Variants in SOX5 observed in about 807,000 individuals in gnomAD.
SOX5 encodes the protein transcription factor SOX-5.
In SOX5, 9 loss-of-function variants were observed where a neutral mutation model predicts 92.0. The ratio of observed to expected loss-of-function variants is 0.10; its 90% CI spans 0.06 to 0.17. The LOEUF is 0.17. SOX5 is among the 10% of genes least tolerant of loss of function. The pLI is 1.00. For synonymous variants in SOX5, 344 were observed against 336.3 expected (o/e 1.02, Z -0.25); for missense variants, 642 against 944.5 (o/e 0.68, Z 4.20).
At chr12:24,310,138 A>G (rs1218601868) in intron 2 of SOX5, among the ~76,000 whole-genome samples, 1 of 152,188 alleles carries the variant, frequency 6.6e-6, no homozygotes, top group East Asian at 1.9e-4. Context: ...ACATGTCGTA[A>G]ATAGTTTTAA....
intron 1 of SOX5, among the ~76,000 whole-genome samples, chr12:24,429,055 C>T (rs1310920056): frequency 1.3e-5 from 2 of 152,078 alleles, no homozygotes; most frequent in Non-Finnish European, 2.9e-5. Flanking sequence ...CGGTGGCTCA[C>T]GACTGTAATC....
At chr12:24,096,611 T>A (rs1053837578) in intron 4 of SOX5, among the ~76,000 whole-genome samples, 2 of 152,250 alleles carry the variant, frequency 1.3e-5, no homozygotes, top group Admixed American at 1.3e-4. Context: ...GGTTCATCCT[T>A]GTTGTAAAAT....
At chr12:24,067,989 C>CA (rs1235650183) in intron 4 of SOX5, among the ~76,000 whole-genome samples, 1 of 151,958 alleles carries the variant, frequency 6.6e-6, no homozygotes, top group African/African-American at 2.4e-5. Flanking sequence ...TACTAAAATA[C>CA]AAAAAATTAG....
intron 4 of SOX5, among the ~76,000 whole-genome samples, chr12:23,959,358 G>A (rs1433726000): frequency 6.6e-6 from 1 of 151,856 alleles, no homozygotes; most frequent in East Asian, 1.9e-4. Flanking sequence ...CACATAGAGA[G>A]AATTTAGTAT....
chr12:24,530,325 G>T (rs968989135), intron 1 of SOX5, among the ~76,000 whole-genome samples: 1 of 152,212 alleles, frequency 6.6e-6, no homozygotes, highest in Non-Finnish European at 1.5e-5. Flanking sequence ...TGACCTAGAT[G>T]ATGTCGTCGG....
At chr12:23,657,656 T>A (rs1465412526) in intron 7 of SOX5, among the ~76,000 whole-genome samples, 3 of 152,174 alleles carry the variant, frequency 2.0e-5, no homozygotes, top group Non-Finnish European at 2.9e-5. Context: ...AGTCTGTTAC[T>A]GAGATGAAAT....
chr12:24,005,489 C>G (rs1242724378), intron 4 of SOX5, among the ~76,000 whole-genome samples: 5 of 152,268 alleles, frequency 3.3e-5, no homozygotes, highest in African/African-American at 9.6e-5. Context: ...ATCTACAATT[C>G]TCTCTGTCTG....
At chr12:24,179,704 G>C (rs555391143) in intron 4 of SOX5, among the ~76,000 whole-genome samples, 1 of 152,282 alleles carries the variant, frequency 6.6e-6, no homozygotes, top group South Asian at 2.1e-4. Flanking sequence ...GTAGGCTAAT[G>C]TAAGTGTTCT....
intron 4 of SOX5, among the ~76,000 whole-genome samples, chr12:24,044,333 T>A (rs1483297778): frequency 6.6e-6 from 1 of 152,200 alleles, no homozygotes; most frequent in Non-Finnish European, 1.5e-5. Flanking sequence ...TAATACATTA[T>A]GTGCCACAAT....
In SOX5 at chr12:23,887,520, C is replaced by CT. The variant is rs542469852; in HGVS notation, c.270+8272dup. On this transcript the variant is annotated intron_variant, in intron 2 of 14. Transcript: ENST00000451604. The stretch of plus-strand genomic sequence containing the variant: ...TAACAAGTGAGATAAAGATGACCAC[C>CT]TATCCATGCCACAAAAATCAAGAAT... 5.8e-3 allele frequency among the ~76,000 whole-genome samples: 884 copies of CT among 152,242 alleles called. 3 individuals are homozygous for CT. Among genetic ancestry groups the CT allele is most frequent in the Middle Eastern group, 0.014 (4 of 294 alleles).
intron 4 of SOX5, among the ~76,000 whole-genome samples, chr12:24,133,527 T>C (rs1949844490): frequency 6.6e-6 from 1 of 152,184 alleles, no homozygotes; most frequent in African/African-American, 2.4e-5. Context: ...GATGTGGTTC[T>C]TTCATGTGTA....
intron 1 of SOX5, among the ~76,000 whole-genome samples, chr12:24,466,247 CT>C (rs962901534): frequency 1.0e-3 from 146 of 145,778 alleles, no homozygotes; most frequent in Admixed American, 9.6e-4. Context: ...TCTTTTCTTT[CT>C]TTTTTTTTTT....
At chr12:24,508,316 T>G (rs1948992940) in intron 1 of SOX5, among the ~76,000 whole-genome samples, 2 of 147,362 alleles carry the variant, frequency 1.4e-5, no homozygotes, top group African/African-American at 2.5e-5. Flanking sequence ...AATAAAGGAG[T>G]AAAAGAGAAC....
At chr12:23,873,244 G>C (rs2096893401) in intron 2 of SOX5, among the ~76,000 whole-genome samples, 1 of 152,226 alleles carries the variant, frequency 6.6e-6, no homozygotes, top group Middle Eastern at 3.4e-3. Flanking sequence ...CAGACAGATT[G>C]CTTGAGCCTA....
chr12:24,296,062 A>G (rs1385180752), intron 2 of SOX5, among the ~76,000 whole-genome samples: 2 of 152,252 alleles, frequency 1.3e-5, no homozygotes, highest in Admixed American at 6.5e-5. Flanking sequence ...AGAACAAAAA[A>G]TTAAATCTGA....
intron 3 of SOX5, among the ~76,000 whole-genome samples, chr12:24,232,843 C>T (rs1268365520): frequency 3.9e-5 from 6 of 152,136 alleles, no homozygotes; most frequent in Non-Finnish European, 8.8e-5. Context: ...CATATAATAT[C>T]CATATTTCCG....
intron 13 of SOX5, among the ~76,000 whole-genome samples, chr12:23,542,866 G>T (rs192765398): frequency 8.1e-4 from 123 of 152,282 alleles, no homozygotes; most frequent in Middle Eastern, 3.4e-3. Context: ...TCTATAGTAT[G>T]CAAGGAAATG....
intron 2 of SOX5, among the ~76,000 whole-genome samples, chr12:23,869,452 T>G (rs2096850067): frequency 6.6e-6 from 1 of 152,228 alleles, no homozygotes; most frequent in Middle Eastern, 3.4e-3. Flanking sequence ...TTAAATATCT[T>G]AGTTTTTAGG....
At chr12:23,941,727 AT>A (rs1227981946) in intron 1 of SOX5, among the ~76,000 whole-genome samples, 2 of 151,632 alleles carry the variant, frequency 1.3e-5, no homozygotes, top group Non-Finnish European at 3.0e-5. Flanking sequence ...TCAAAGTTGA[AT>A]TAGTGAATGC....
Sources: gnomAD v4.1 joint callset for allele counts (sites outside exome capture counted in the v4.1 genomes callset) on GRCh38, gnomAD v4.1.1 for gene constraint, MANE v1.5 for transcripts, NCBI Gene and HGNC (gene_info 2026-07-23, HGNC 2026-07-21) for gene names.